Variants in OR2L13 observed in about 807,000 individuals in gnomAD.
The protein encoded by OR2L13 is olfactory receptor family 2 subfamily L member 13, also known as olfactory receptor 2L13.
Under a neutral mutation model 15.3 loss-of-function variants are expected in OR2L13, and 14 were observed. That is an observed-to-expected ratio of 0.91 (90% CI 0.60 to 1.43). The LOEUF (loss-of-function observed/expected upper bound fraction) is 1.43, where lower values mean the gene tolerates loss of function less well. Ranked by LOEUF, OR2L13 falls within the 40% of genes most tolerant of loss-of-function variation. The pLI is 0.00. For missense variants in OR2L13, 367 were observed against 387.9 expected (o/e 0.95, Z 0.45); for synonymous variants, 152 against 142.9 (o/e 1.06, Z -0.45).
At chr1:248,018,396 A>C in the OR2L13 span, among the ~76,000 whole-genome samples, 4,812 of 152,218 alleles carry the variant, frequency 0.032, 227 homozygotes, top group African/African-American at 0.11. Flanking sequence ...CCTATTCTAC[A>C]TGCTAATAAT....
At chr1:248,002,447 CT>C in the OR2L13 span, among the ~76,000 whole-genome samples, 1 of 152,216 alleles carries the variant, frequency 6.6e-6, no homozygotes, top group African/African-American at 2.4e-5. Context: ...ACAGTGGGTA[CT>C]TCATGTAAGT....
the OR2L13 span, among the ~76,000 whole-genome samples, chr1:247,942,172 A>G: frequency 1.3e-5 from 2 of 152,200 alleles, no homozygotes; most frequent in South Asian, 2.1e-4. Flanking sequence ...GAATAAAACT[A>G]AATTCTGGGT....
At chr1:247,963,039 G>C in the OR2L13 span, among the ~76,000 whole-genome samples, 1 of 152,268 alleles carries the variant, frequency 6.6e-6, no homozygotes, top group South Asian at 2.1e-4. Flanking sequence ...TGCCATGTGG[G>C]TTCTTGCCTT....
chr1:247,941,403 T>A, the OR2L13 span, among the ~76,000 whole-genome samples: 1 of 152,200 alleles, frequency 6.6e-6, no homozygotes, highest in African/African-American at 2.4e-5. Flanking sequence ...TAAAGAATGG[T>A]GAATGGATAC....
the OR2L13 span, among the ~76,000 whole-genome samples, chr1:247,993,805 G>GAGAGAGAGAGAA: frequency 7.4e-6 from 1 of 135,168 alleles, no homozygotes; most frequent in Admixed American, 7.0e-5. Flanking sequence ...GAGAGAGAGA[G>GAGAGAGAGAGAA]AGAGAGAAAG....
the OR2L13 span, among the ~76,000 whole-genome samples, chr1:248,074,679 G>C: frequency 6.6e-6 from 1 of 152,158 alleles, no homozygotes; most frequent in Non-Finnish European, 1.5e-5. Flanking sequence ...GACTACTAAA[G>C]AGGTTAAGGA....
chr1:248,070,787 A>C, the OR2L13 span, among the ~76,000 whole-genome samples: 252 of 152,334 alleles, frequency 1.7e-3, 2 homozygotes, highest in East Asian at 6.2e-3. Flanking sequence ...AAAATGATAA[A>C]GTGGATATCA....
the OR2L13 span, among the ~76,000 whole-genome samples, chr1:248,055,111 C>G: frequency 6.6e-6 from 1 of 152,082 alleles, no homozygotes; most frequent in Non-Finnish European, 1.5e-5. Flanking sequence ...GATGTATGTT[C>G]CTTAAATACC....
At chr1:248,066,788 A>C in the OR2L13 span, among the ~76,000 whole-genome samples, 5 of 152,180 alleles carry the variant, frequency 3.3e-5, no homozygotes, top group Non-Finnish European at 7.4e-5. Context: ...TGTGTTATTT[A>C]CCTTCAGTAT....
the OR2L13 span, among the ~76,000 whole-genome samples, chr1:247,954,588 C>T: frequency 4.9e-3 from 738 of 150,462 alleles, 4 homozygotes; most frequent in African/African-American, 0.016. Context: ...AATCAAGGTC[C>T]TTAATTGAAA....
the OR2L13 span, among the ~76,000 whole-genome samples, chr1:248,070,520 G>A: frequency 3.3e-5 from 5 of 152,098 alleles, no homozygotes; most frequent in African/African-American, 1.2e-4. Flanking sequence ...ACAAGAGAAA[G>A]CAGGAAAGAC....
chr1:248,005,191 A>G, the OR2L13 span, among the ~76,000 whole-genome samples: 5 of 152,200 alleles, frequency 3.3e-5, no homozygotes, highest in South Asian at 2.1e-4. Context: ...TGGAATTGGA[A>G]TGTTCTCAAC....
chr1:248,056,953 A>G, the OR2L13 span, among the ~76,000 whole-genome samples: 2 of 151,940 alleles, frequency 1.3e-5, no homozygotes, highest in Non-Finnish European at 2.9e-5. Context: ...CCTGGCCTTG[A>G]GGGGGCTTTA....
the OR2L13 span, among the ~76,000 whole-genome samples, chr1:248,068,190 C>T: frequency 2.6e-5 from 4 of 152,314 alleles, no homozygotes; most frequent in South Asian, 6.2e-4. Context: ...GGCAGACTGC[C>T]TCCTCAAGTG....
At chr1:248,028,002 G>A in the OR2L13 span, among the ~76,000 whole-genome samples, 16 of 151,924 alleles carry the variant, frequency 1.1e-4, no homozygotes, top group East Asian at 1.9e-3. Context: ...TTAGCTGGGC[G>A]TGGTTGTGGG....
the OR2L13 span, chr1:247,948,729 G>A: frequency 2.9e-6 from 2 of 692,652 alleles, no homozygotes; most frequent in South Asian, 3.7e-5. Context: ...TGTATTTAGG[G>A]TTCAGTATCA....
chr1:248,069,860 G>A, the OR2L13 span, among the ~76,000 whole-genome samples: 1 of 152,050 alleles, frequency 6.6e-6, no homozygotes, highest in African/African-American at 2.4e-5. Flanking sequence ...AACCAACAAA[G>A]ATCAAAAGAG....
the OR2L13 span, among the ~76,000 whole-genome samples, chr1:248,048,035 C>T: frequency 4.6e-3 from 700 of 152,196 alleles, 8 homozygotes; most frequent in Non-Finnish European, 5.7e-3. Flanking sequence ...GTCTCTGTCC[C>T]GTGAACTTAC....
chr1:248,033,257 A>G, the OR2L13 span, among the ~76,000 whole-genome samples: 2 of 152,122 alleles, frequency 1.3e-5, no homozygotes, highest in Non-Finnish European at 2.9e-5. Context: ...ATTTTTCTAT[A>G]TGGTGTAAAG....
Sources: allele counts gnomAD v4.1 joint callset (sites outside exome capture counted in the v4.1 genomes callset), GRCh38; gene constraint gnomAD v4.1.1; transcripts MANE v1.5; gene names NCBI Gene and HGNC (gene_info 2026-07-23, HGNC 2026-07-21).